AGBL1: variants seen among roughly 807,000 people sequenced by gnomAD.
The protein encoded by AGBL1 is AGBL carboxypeptidase 1, also known as cytosolic carboxypeptidase 4.
In AGBL1, 130 loss-of-function variants were observed where a neutral mutation model predicts 118.9. The observed-to-expected ratio is 1.09, with a 90% CI of 0.95 to 1.26. The LOEUF (loss-of-function observed/expected upper bound fraction) is 1.26, where lower values mean the gene tolerates loss of function less well. AGBL1 is among the 50% of genes most tolerant of loss of function. The probability of loss-of-function intolerance (pLI) is 0.00; values close to 1 mark genes in which losing one functional copy is unlikely to be tolerated. For synonymous variants in AGBL1, 555 were observed against 478.9 expected, an observed-to-expected ratio of 1.16 and a Z score of -2.08; for missense variants, 1,584 against 1,298.1, an observed-to-expected ratio of 1.22 and a Z score of -3.38.
chr15:86,557,900 G>T (rs1295234273), intron 21 of AGBL1, among the ~76,000 whole-genome samples: 1 of 152,118 alleles, frequency 6.6e-6, no homozygotes, highest in East Asian at 1.9e-4. Context: ...AAAAAGAGAA[G>T]AAATTATTGT....
intron 24 of AGBL1, among the ~76,000 whole-genome samples, chr15:87,021,638 C>T (rs1057073576): frequency 2.6e-5 from 4 of 152,070 alleles, no homozygotes; most frequent in Non-Finnish European, 5.9e-5. Flanking sequence ...GGAACTTAAG[C>T]AAATTTACCA....
chr15:86,887,922 C>T (rs2079993821), intron 22 of AGBL1, among the ~76,000 whole-genome samples: 1 of 151,998 alleles, frequency 6.6e-6, no homozygotes. Flanking sequence ...TGTATAAGCC[C>T]CAGGAAGCTT....
intron 17 of AGBL1, among the ~76,000 whole-genome samples, chr15:86,322,222 T>G (rs1446152232): frequency 6.6e-6 from 1 of 152,018 alleles, no homozygotes; most frequent in African/African-American, 2.4e-5. Flanking sequence ...TTTTTTTGAC[T>G]GCTTAATCTG....
At position 86,709,854 on chromosome 15, in the gene AGBL1, G is replaced by A. The variant is rs143079898; in HGVS notation, c.3158+35418G>A. ...TTTCTATCATAGAGTCTGGCCCATA[G>A]TAAATGCTTAATGAAATGTACTAAA... On this transcript the variant is annotated intron_variant, in intron 22 of 22. Transcript: ENST00000614907. 9.5e-4 allele frequency among the ~76,000 whole-genome samples: 145 copies of A among 152,272 alleles called. 1 individual carries two copies. The highest frequency in any genetic ancestry group is 3.3e-3 in the African/African-American group (136 of 41,554).
chr15:86,505,833 G>T (rs7167218), intron 18 of AGBL1, among the ~76,000 whole-genome samples: 4 of 151,226 alleles, frequency 2.6e-5, no homozygotes. Context: ...ATGCTTTTTT[G>T]TTTTTTTAAT....
At chr15:86,943,230 T>A (rs2080776931) in intron 23 of AGBL1, among the ~76,000 whole-genome samples, 1 of 152,140 alleles carries the variant, frequency 6.6e-6, no homozygotes. Flanking sequence ...CTGGAACACA[T>A]CACTTTTAAG....
At chr15:86,404,244 C>T (rs1006425901) in intron 18 of AGBL1, among the ~76,000 whole-genome samples, 16 of 152,146 alleles carry the variant, frequency 1.1e-4, no homozygotes, top group Non-Finnish European at 2.4e-4. Context: ...TTGGTTCATC[C>T]TCACTTCCTA....
chr15:86,743,855 TCA>T lies in AGBL1; in HGVS notation c.3158+69425_3158+69426del, dbSNP rs962467189. Among the ~76,000 whole-genome samples, 7 of 151,986 alleles carry T rather than the reference TCA, an allele frequency of 4.6e-5. No individual in the cohort carries two copies. In the South Asian group the frequency reaches 8.3e-4, roughly 18 times the overall value. On this transcript the variant is annotated intron_variant, in intron 22 of 22. Transcript: ENST00000614907. ...AATATGGCCTTTCCAGTGTATCTGA[TCA>T]CACACCCCCATCCCCCGCAACACAC...
intron 5 of AGBL1, among the ~76,000 whole-genome samples, chr15:86,214,001 T>C (rs1396189260): frequency 6.6e-6 from 1 of 152,208 alleles, no homozygotes; most frequent in Non-Finnish European, 1.5e-5. Context: ...CTCATGTAAG[T>C]GGAATGAATT....
chr15:86,681,442 T>C (rs1030576414), intron 22 of AGBL1, among the ~76,000 whole-genome samples: 12 of 152,146 alleles, frequency 7.9e-5, no homozygotes, highest in South Asian at 2.1e-4. Context: ...CCAGATACCT[T>C]TATACAGCCT....
At chr15:86,318,686 T>C (rs111839716) in intron 17 of AGBL1, among the ~76,000 whole-genome samples, 4 of 149,340 alleles carry the variant, frequency 2.7e-5, no homozygotes, top group African/African-American at 9.9e-5. Context: ...AAGGGTAGAG[T>C]TGATCATAGA....
chr15:86,650,116 G>T (rs908770939), intron 21 of AGBL1, among the ~76,000 whole-genome samples: 1 of 149,158 alleles, frequency 6.7e-6, no homozygotes, highest in African/African-American at 2.4e-5. Context: ...TTGTGGCACA[G>T]GGGGCATTTA....
At chr15:86,994,807 G>A (rs909048010) in intron 24 of AGBL1, among the ~76,000 whole-genome samples, 4 of 152,166 alleles carry the variant, frequency 2.6e-5, no homozygotes, top group African/African-American at 9.7e-5. Flanking sequence ...GCTGACTTTA[G>A]AACATAAAGT....
At chr15:86,456,400 C>T (rs922695164) in intron 18 of AGBL1, among the ~76,000 whole-genome samples, 1 of 152,162 alleles carries the variant, frequency 6.6e-6, no homozygotes, top group African/African-American at 2.4e-5. Context: ...TTTGACTCTT[C>T]AATTCAATAG....
intron 1 of AGBL1, among the ~76,000 whole-genome samples, chr15:86,138,830 G>A (rs2076923211): frequency 6.6e-6 from 1 of 151,958 alleles, no homozygotes; most frequent in Admixed American, 6.5e-5. Flanking sequence ...CCTCTTCATA[G>A]AAAGATGAGC....
At chr15:86,492,422 C>A (rs62012350) in intron 18 of AGBL1, among the ~76,000 whole-genome samples, 67,056 of 151,274 alleles carry the variant, frequency 0.44, 15,641 homozygotes, top group East Asian at 0.68. Flanking sequence ...AAACCTCATC[C>A]CTACTAAAAA....
chr15:86,694,822 A>G (rs1330147912), intron 22 of AGBL1, among the ~76,000 whole-genome samples: 1 of 152,028 alleles, frequency 6.6e-6, no homozygotes, highest in East Asian at 1.9e-4. Flanking sequence ...GGATTTTGTC[A>G]AATACTTTTT....
intron 17 of AGBL1, among the ~76,000 whole-genome samples, chr15:86,331,713 A>C (rs1424198213): frequency 6.6e-6 from 1 of 152,230 alleles, no homozygotes; most frequent in Admixed American, 6.5e-5. Context: ...TCATAAGCAA[A>C]GGAAAAATAA....
chr15:86,553,753 G>C (rs1277240267), intron 20 of AGBL1, among the ~76,000 whole-genome samples: 5 of 152,206 alleles, frequency 3.3e-5, no homozygotes, highest in Non-Finnish European at 5.9e-5. Context: ...TATGTGTGCA[G>C]CCTTGGTCCA....
Sources: allele counts gnomAD v4.1 joint callset (sites outside exome capture counted in the v4.1 genomes callset), GRCh38; gene constraint gnomAD v4.1.1; transcripts MANE v1.5; gene names NCBI Gene and HGNC (gene_info 2026-07-23, HGNC 2026-07-21).